The following NUTM2G variants were observed in gnomAD, a reference collection of about 807,000 sequenced individuals.
NUTM2G encodes the protein family with sequence similarity 22, member G.
NUTM2G carries 29 observed loss-of-function variants against 44.3 expected under a neutral mutation model. That is an observed-to-expected ratio of 0.66 (90% CI 0.49 to 0.89). The LOEUF (loss-of-function observed/expected upper bound fraction) is 0.89, where lower values mean the gene tolerates loss of function less well. Among genes scored for constraint, NUTM2G ranks in the 40% least tolerant of loss-of-function variants. The pLI is 0.00. For missense variants in NUTM2G, 502 were observed against 946.5 expected (o/e 0.53, Z 6.16); for synonymous variants, 205 against 395.9 (o/e 0.52, Z 5.72).
At position 96,931,898 on chromosome 9, in the gene NUTM2G, G is replaced by T; in HGVS notation, c.193G>T (p.Val65Leu). The T allele has an allele frequency of 6.2e-7, 1 of 1,612,268 alleles. No homozygotes were observed. Among genetic ancestry groups the T allele is most frequent in the Non-Finnish European group, 8.5e-7 (1 of 1,179,830 alleles). The change falls in exon 2 of 7, where the codon GTG becomes TTG. Residue 65 changes from valine (V) to leucine (L), a missense_variant. Val to Leu is a conservative substitution (Grantham distance 32). Transcript: ENST00000372322. ...CTCTGCCTTCCCCAGCACCCCTCTAGTGGCAGGACAGGATGGCCGCGGCCC... is the reference window on the plus strand; with the variant it reads ...CTCTGCCTTCCCCAGCACCCCTCTATTGGCAGGACAGGATGGCCGCGGCCC... ...VLSAFPSTPLVAGQDGRGPSG... is the reference protein window; with the variant it reads ...VLSAFPSTPLLAGQDGRGPSG...
Position 96,937,089 on chromosome 9 carries a change from C to A in NUTM2G, c.1008C>A (p.Pro336=), listed in dbSNP as rs1172780898. The A allele has an allele frequency of 9.9e-6, 16 of 1,609,948 alleles. No homozygotes were observed. Among genetic ancestry groups the A allele is most frequent in the Non-Finnish European group, 1.4e-5 (16 of 1,179,246 alleles). The part of the protein sequence containing the change: ...QPVYLPSKDG[P]KAPTACLPPP... Reference sequence around the variant, plus strand: ...TGTACCTTCCCAGCAAGGATGGCCCCAAGGCCCCGACTGCCTGCCTGCCAC... The same window carrying A: ...TGTACCTTCCCAGCAAGGATGGCCCAAAGGCCCCGACTGCCTGCCTGCCAC... Residue 336 remains proline (P), a synonymous_variant, in exon 5 of 7, where the codon CCC becomes CCA. Coordinates refer to ENST00000372322, the MANE Select transcript of NUTM2G (RefSeq NM_001170741.3).
intron 2 of NUTM2G, among the ~76,000 whole-genome samples, chr9:96,934,424 G>A (rs1272653748): frequency 6.6e-6 from 1 of 151,902 alleles, no homozygotes; most frequent in Non-Finnish European, 1.5e-5. Context: ...ATCCCCCCTT[G>A]GAGCGGAGTC....
At chr9:96,933,322 G>A (rs956683427) in intron 2 of NUTM2G, among the ~76,000 whole-genome samples, 8 of 151,158 alleles carry the variant, frequency 5.3e-5, no homozygotes, top group Non-Finnish European at 1.2e-4. Flanking sequence ...GAAGACCCAG[G>A]TCAGAGAGGG....
intron 1 of NUTM2G, 96 bp downstream of exon 1, chr9:96,929,136 T>G: frequency 6.3e-7 from 1 of 1,577,410 alleles, no homozygotes; most frequent in East Asian, 2.2e-5. Context: ...CTTATAGGGC[T>G]GATGTTGAGG....
intron 2 of NUTM2G, among the ~76,000 whole-genome samples, 159 bp from the exon 3 acceptor site, chr9:96,935,169 G>C (rs1169592312): frequency 2.0e-5 from 3 of 152,150 alleles, no homozygotes; most frequent in African/African-American, 7.2e-5. Context: ...TTGGATCTTG[G>C]GGGTGTGTCC....
downstream of NUTM2G, among the ~76,000 whole-genome samples, chr9:96,941,997 C>T (rs1022502105): frequency 6.6e-6 from 1 of 151,582 alleles, no homozygotes; most frequent in East Asian, 1.9e-4. Flanking sequence ...TATGCTGAGG[C>T]TCTCGGTGGG....
chr9:96,934,857 C>T (rs1310388964), intron 2 of NUTM2G, among the ~76,000 whole-genome samples: 2 of 151,962 alleles, frequency 1.3e-5, no homozygotes, highest in Non-Finnish European at 2.9e-5. Flanking sequence ...GGTGTCTGGT[C>T]AGGGCCCTCT....
chr9:96,936,440 G>C lies in NUTM2G; in HGVS notation c.858G>C (p.Glu286Asp), dbSNP rs1178474788. Residue 286 changes from glutamate (E) to aspartate (D), a missense_variant, in exon 4 of 7, where the codon GAG (glutamate) becomes GAC (aspartate). Transcript: ENST00000372322. ...YEMAAKFLEF[E>D]AEEEMQIQKS... The stretch of plus-strand genomic sequence containing the variant: ...TCACCCCCAGGTTCCTGGAGTTTGA[G>C]GCTGAGGAGGAGATGCAGATTCAGA... 1.3e-6 allele frequency: 2 copies of C among 1,579,626 alleles called. No homozygotes were observed. Among genetic ancestry groups the C allele is most frequent in the South Asian group, 1.1e-5 (1 of 87,844 alleles).
intron 2 of NUTM2G, among the ~76,000 whole-genome samples, chr9:96,933,313 A>G (rs1030652769): frequency 6.6e-6 from 1 of 151,482 alleles, no homozygotes; most frequent in Non-Finnish European, 1.5e-5. Context: ...ATGTTTACAG[A>G]AGACCCAGGT....
intron 3 of NUTM2G, among the ~76,000 whole-genome samples, chr9:96,935,773 G>A (rs1416919961): frequency 3.3e-5 from 5 of 152,182 alleles, no homozygotes; most frequent in Admixed American, 2.0e-4. Context: ...GGAAGAAGGG[G>A]CGCTAGTGAC....
rs557510638 is a variant in NUTM2G, at chr9:96,932,409, G to T, written c.704G>T (p.Cys235Phe). Residue 235 changes from cysteine (C) to phenylalanine (F), a missense_variant, in exon 2 of 7, where the codon TGC (cysteine) becomes TTC (phenylalanine). Cys to Phe is a radical substitution (Grantham distance 205, BLOSUM62 -2). Coordinates refer to ENST00000372322, the MANE Select transcript of NUTM2G (RefSeq NM_001170741.3). ...PQSPDTEALS[C>F]FLIPVLRSLA... is the part of the protein sequence containing the mutation. ...AGTCCTGACACTGAAGCGCTTTCCTGCTTCCTCATGTGAGTGTCCTCGGGG... is the reference window on the plus strand; with the variant it reads ...AGTCCTGACACTGAAGCGCTTTCCTTCTTCCTCATGTGAGTGTCCTCGGGG... 6.3e-7 allele frequency: 1 copy of T among 1,595,876 alleles called. No individual in the cohort carries two copies. Among genetic ancestry groups the T allele is most frequent in the Non-Finnish European group, 8.6e-7 (1 of 1,166,980 alleles).
intron 1 of NUTM2G, among the ~76,000 whole-genome samples, chr9:96,930,523 C>CA (rs557379276): frequency 0.11 from 6,515 of 61,348 alleles, 398 homozygotes; most frequent in African/African-American, 0.24. Context: ...GACTCCGTCT[C>CA]AAAAAAAAAA....
chr9:96,931,623 T>G (rs1424524257), intron 1 of NUTM2G, 99 bp from the exon 2 acceptor site: 11 of 1,294,670 alleles, frequency 8.5e-6, no homozygotes, highest in Non-Finnish European at 1.1e-5. Context: ...AGAGTTTCCC[T>G]GTCACATGCC....
chr9:96,936,109 C>T (rs541966059), intron 3 of NUTM2G, among the ~76,000 whole-genome samples: 162 of 149,666 alleles, frequency 1.1e-3, no homozygotes, highest in African/African-American at 3.7e-3. Context: ...TCATCCCTGA[C>T]GCCTTCTGCC....
chr9:96,940,179 C>T (rs1826559779), downstream of NUTM2G: 1 of 145,702 alleles, frequency 6.9e-6, no homozygotes, highest in South Asian at 2.2e-4. Context: ...GGTCCCAGGG[C>T]CAGGAGAAGC....
intron 1 of NUTM2G, among the ~76,000 whole-genome samples, chr9:96,931,430 G>C (rs1287575981): frequency 6.6e-6 from 1 of 151,920 alleles, no homozygotes; most frequent in East Asian, 1.9e-4. Flanking sequence ...ATGCCTGTGA[G>C]GCTGGTGCAG....
intron 3 of NUTM2G, among the ~76,000 whole-genome samples, 188 bp from the exon 4 acceptor site, chr9:96,936,237 C>T (rs1255611626): frequency 2.6e-5 from 4 of 151,344 alleles, no homozygotes; most frequent in East Asian, 3.9e-4. Flanking sequence ...CTGCAGGGGC[C>T]GGGTGAGGGA....
intron 2 of NUTM2G, among the ~76,000 whole-genome samples, chr9:96,935,091 T>C (rs1185897033): frequency 6.6e-6 from 1 of 152,188 alleles, no homozygotes; most frequent in Non-Finnish European, 1.5e-5. Context: ...CTGAGTTCAC[T>C]TGTCAACATC....
At position 96,936,450 on chromosome 9, in the gene NUTM2G, G is replaced by A. The variant is rs1439912336; in HGVS notation, c.868G>A (p.Glu290Lys). The change falls in exon 4 of 7, where the codon GAG becomes AAG. Residue 290 changes from glutamate to lysine, a missense_variant. Coordinates refer to ENST00000372322, the MANE Select transcript of NUTM2G (RefSeq NM_001170741.3). The part of the protein sequence containing the change: ...AKFLEFEAEE[E>K]MQIQKSQWMK... Reference sequence around the variant, plus strand: ...GTTCCTGGAGTTTGAGGCTGAGGAGGAGATGCAGATTCAGAAATCGCAGTG... The same window carrying A: ...GTTCCTGGAGTTTGAGGCTGAGGAGAAGATGCAGATTCAGAAATCGCAGTG... 5 of 1,578,126 alleles carry A rather than the reference G, an allele frequency of 3.2e-6. No individual in the cohort carries two copies. The highest frequency in any genetic ancestry group is 2.3e-4 in the Middle Eastern group (1 of 4,418).
Sources: allele counts gnomAD v4.1 joint callset (sites outside exome capture counted in the v4.1 genomes callset), GRCh38; gene constraint gnomAD v4.1.1; transcripts MANE v1.5; gene names NCBI Gene and HGNC (gene_info 2026-07-23, HGNC 2026-07-21).